Variants in CACNA2D1 observed in about 807,000 individuals in gnomAD.
CACNA2D1 encodes the protein voltage-dependent calcium channel subunit alpha-2/delta-1.
A neutral mutation model predicts 171.5 loss-of-function variants in CACNA2D1; 53 were observed. That is an observed-to-expected ratio of 0.31 (90% CI 0.25 to 0.39). The LOEUF (loss-of-function observed/expected upper bound fraction) is 0.39, where lower values mean the gene tolerates loss of function less well. CACNA2D1 is among the 10% of genes least tolerant of loss of function. The probability of loss-of-function intolerance (pLI) is 1.00; values close to 1 mark genes in which losing one functional copy is unlikely to be tolerated. For missense variants in CACNA2D1, 903 were observed against 1,299.8 expected, an observed-to-expected ratio of 0.69 and a Z score of 4.69; for synonymous variants, 442 against 443.1, an observed-to-expected ratio of 1.00 and a Z score of 0.03.
At position 82,143,999 on chromosome 7, in the gene CACNA2D1, A is replaced by G. The variant is rs527286191; in HGVS notation, c.355-7323T>C. On this transcript the variant is annotated intron_variant, in intron 4 of 38. Coordinates refer to ENST00000356860, the MANE Select transcript of CACNA2D1 (RefSeq NM_000722.4). ...TGATTCTGTCTGGCTAGTAAATCACATCACCCCACTTATCTGATGACACAA... is the reference window on the plus strand; with the variant it reads ...TGATTCTGTCTGGCTAGTAAATCACGTCACCCCACTTATCTGATGACACAA... 7.6e-4 allele frequency among the ~76,000 whole-genome samples: 116 copies of G among 152,260 alleles called. 1 individual carries two copies. The highest frequency in any genetic ancestry group is 2.7e-3 in the African/African-American group (112 of 41,564).
intron 10 of CACNA2D1, chr7:82,050,673 A>G (rs745968809): frequency 1.4e-6 from 1 of 700,888 alleles, no homozygotes; most frequent in South Asian, 1.5e-5. Flanking sequence ...TAATGCTTAG[A>G]CTTAAATGTG....
At chr7:82,393,183 A>G (rs1475014516) in intron 1 of CACNA2D1, among the ~76,000 whole-genome samples, 2 of 151,350 alleles carry the variant, frequency 1.3e-5, no homozygotes, top group Non-Finnish European at 2.9e-5. Context: ...GGGAGGGGCA[A>G]TAACACTTTA....
chr7:82,407,039 G>T (rs1827136262), intron 1 of CACNA2D1, among the ~76,000 whole-genome samples: 1 of 152,092 alleles, frequency 6.6e-6, no homozygotes, highest in African/African-American at 2.4e-5. Flanking sequence ...TGATAAAGAG[G>T]CCTTACTGGC....
At chr7:82,281,141 C>G (rs1810044821) in intron 3 of CACNA2D1, among the ~76,000 whole-genome samples, 1 of 152,172 alleles carries the variant, frequency 6.6e-6, no homozygotes. Flanking sequence ...AAAGGCTCCT[C>G]TTGTTCTCAG....
intron 3 of CACNA2D1, among the ~76,000 whole-genome samples, chr7:82,215,184 C>A (rs7357288): frequency 0.1 from 15,757 of 152,208 alleles, 1,284 homozygotes; most frequent in African/African-American, 0.23. Context: ...ACAAGACAGA[C>A]CGCTCATTCA....
chr7:82,224,879 T>C (rs1051379709), intron 3 of CACNA2D1, among the ~76,000 whole-genome samples: 5 of 152,132 alleles, frequency 3.3e-5, no homozygotes, highest in Non-Finnish European at 7.3e-5. Context: ...GAAAACAAAC[T>C]TAAATCATTC....
At chr7:82,256,139 T>C (rs1806271252) in intron 3 of CACNA2D1, among the ~76,000 whole-genome samples, 1 of 151,868 alleles carries the variant, frequency 6.6e-6, no homozygotes, top group East Asian at 1.9e-4. Context: ...TAGCCAGGCG[T>C]GGAGGTGGGT....
chr7:82,263,496 G>A (rs931390747), intron 3 of CACNA2D1, among the ~76,000 whole-genome samples: 2 of 152,094 alleles, frequency 1.3e-5, no homozygotes, highest in African/African-American at 4.8e-5. Flanking sequence ...CTGGTGATGA[G>A]TGAGGAAAGA....
chr7:82,106,562 T>C (rs1194859463), intron 6 of CACNA2D1, among the ~76,000 whole-genome samples: 3 of 152,058 alleles, frequency 2.0e-5, no homozygotes, highest in African/African-American at 7.2e-5. Context: ...TTGTATTCCC[T>C]ACTAAACAGT....
chr7:82,432,954 G>A (rs895883565), intron 1 of CACNA2D1, among the ~76,000 whole-genome samples: 2 of 152,146 alleles, frequency 1.3e-5, no homozygotes, highest in Non-Finnish European at 2.9e-5. Flanking sequence ...GGGAGGCCAA[G>A]GCAGGTGGAT....
At chr7:82,277,323 C>A (rs181415688) in intron 3 of CACNA2D1, among the ~76,000 whole-genome samples, 206 of 152,030 alleles carry the variant, frequency 1.4e-3, no homozygotes, top group African/African-American at 4.8e-3. Flanking sequence ...CTGCCTCAGC[C>A]CCCGAGTAGC....
intron 3 of CACNA2D1, among the ~76,000 whole-genome samples, chr7:82,190,698 C>G (rs1252808790): frequency 6.6e-6 from 1 of 151,564 alleles, no homozygotes; most frequent in Admixed American, 6.6e-5. Flanking sequence ...CTCCCAATAT[C>G]CTTAAATCCA....
intron 3 of CACNA2D1, among the ~76,000 whole-genome samples, chr7:82,184,147 G>C (rs983708511): frequency 6.8e-6 from 1 of 146,966 alleles, no homozygotes; most frequent in African/African-American, 2.5e-5. Flanking sequence ...TGCTAACGTT[G>C]CTGTGGAAAC....
At chr7:82,205,616 A>G (rs1185300447) in intron 3 of CACNA2D1, among the ~76,000 whole-genome samples, 3 of 152,220 alleles carry the variant, frequency 2.0e-5, no homozygotes, top group South Asian at 4.1e-4. Flanking sequence ...AATGGTTACA[A>G]TCCAAATAGT....
chr7:81,975,993 TAA>T (rs35393698), intron 24 of CACNA2D1, among the ~76,000 whole-genome samples: 119 of 148,504 alleles, frequency 8.0e-4, no homozygotes, highest in Admixed American at 8.1e-4. Flanking sequence ...AATGTTACAT[TAA>T]AAAAAAAAAA....
chr7:82,310,977 G>A (rs533012712), intron 3 of CACNA2D1, among the ~76,000 whole-genome samples: 2 of 152,086 alleles, frequency 1.3e-5, no homozygotes, highest in Admixed American at 6.5e-5. Flanking sequence ...GAGACAATCC[G>A]GCTTATTTGA....
chr7:82,382,025 T>C (rs78382767), intron 1 of CACNA2D1, among the ~76,000 whole-genome samples: 5,527 of 152,220 alleles, frequency 0.036, 147 homozygotes, highest in Middle Eastern at 0.061. Flanking sequence ...ATGAGACTAT[T>C]AAGAAAAAAA....
At chr7:82,250,281 G>A (rs1805472508) in intron 3 of CACNA2D1, among the ~76,000 whole-genome samples, 1 of 152,204 alleles carries the variant, frequency 6.6e-6, no homozygotes. Flanking sequence ...ACAGTAGTAA[G>A]TAATGGGCAA....
At chr7:82,155,450 T>C (rs1030292399) in intron 4 of CACNA2D1, among the ~76,000 whole-genome samples, 1 of 152,168 alleles carries the variant, frequency 6.6e-6, no homozygotes, top group Non-Finnish European at 1.5e-5. Context: ...TTACTTCCTC[T>C]AGAGCAAATT....
Sources: gnomAD v4.1 joint callset for allele counts (sites outside exome capture counted in the v4.1 genomes callset) on GRCh38, gnomAD v4.1.1 for gene constraint, MANE v1.5 for transcripts, NCBI Gene and HGNC (gene_info 2026-07-23, HGNC 2026-07-21) for gene names.